The following EME2 variants were observed in gnomAD, a reference collection of about 807,000 sequenced individuals.
EME2 encodes the protein essential meiotic structure-specific endonuclease subunit 2.
EME2 carries 58 observed loss-of-function variants against 41.9 expected under a neutral mutation model. That is an observed-to-expected ratio of 1.38 (90% CI 1.12 to 1.72). The LOEUF is 1.72. Among genes scored for constraint, EME2 ranks in the 40% most tolerant of loss-of-function variants. The pLI is 0.00. For synonymous variants in EME2, 334 were observed against 239.3 expected (o/e 1.40, Z -3.65); for missense variants, 695 against 541.9 (o/e 1.28, Z -2.81).
Position 1,775,361 on chromosome 16 carries a change from A to G in EME2, c.616A>G (p.Lys206Glu). 6.2e-7 allele frequency: 1 copy of G among 1,611,858 alleles called. No individual in the cohort carries two copies. The highest frequency in any genetic ancestry group is 8.5e-7 in the Non-Finnish European group (1 of 1,179,976). The change falls in exon 5 of 8, where the codon AAG (lysine) becomes GAG (glutamate). Residue 206 changes from lysine to glutamate, a missense_variant. By Grantham distance (56) the Lys-to-Glu change is moderately conservative. Transcript: ENST00000568449. ...GGGGACACAGCAGCCAGAGAGCCCG[A>G]AGGTGGCCGGTGCCGAGGTGGCCGT... is the stretch of plus-strand genomic sequence containing the variant. Reference protein sequence around the residue: ...SRGTQQPESPKVAGAEVAVSW... With the variant: ...SRGTQQPESPEVAGAEVAVSW...
rs776101953 is a variant in EME2 at position 1,781,267 on chromosome 16, C to G, written c.*5029C>G. 1.2e-6 allele frequency: 2 copies of G among 1,609,962 alleles called. No individual in the cohort carries two copies. The highest frequency in any genetic ancestry group is 3.3e-5 in the Admixed American group (2 of 59,962). Reference sequence around the variant, plus strand: ...GCCTCAGAAGCATCTTTTTCTCCGACTGATTCCGTGTTCAGGTAATGTCTG... The same window carrying G: ...GCCTCAGAAGCATCTTTTTCTCCGAGTGATTCCGTGTTCAGGTAATGTCTG... On this transcript the variant is annotated 3_prime_UTR_variant, in exon 8 of 8. Coordinates refer to ENST00000568449, the MANE Select transcript of EME2 (RefSeq NM_001257370.2).
At position 1,776,057 on chromosome 16, in the gene EME2, C is replaced by T; in HGVS notation, c.970-11C>T. ...CCCCAGGCGCCCTCTCATGCCTTTG[C>T]CTGCTCCTAGGCGCTGGAGGCCTGC... On this transcript the variant is annotated splice_polypyrimidine_tract_variant and intron_variant, in intron 7 of 7. Coordinates refer to ENST00000568449, the MANE Select transcript of EME2 (RefSeq NM_001257370.2). 1.2e-6 allele frequency: 2 copies of T among 1,606,364 alleles called. No homozygotes were observed. Among genetic ancestry groups the T allele is most frequent in the Non-Finnish European group, 1.7e-6 (2 of 1,177,044 alleles).
At position 1,772,968 on chromosome 16, in the gene EME2, G is replaced by C. The variant is rs1471580766; in HGVS notation, c.-260G>C. The C allele has an allele frequency of 1.4e-6, 2 of 1,447,092 alleles. No individual in the cohort carries two copies. The highest frequency in any genetic ancestry group is 2.8e-5 in the Admixed American group (1 of 35,432). 89.6% of individuals were successfully genotyped at this position (1,447,092 alleles called of 1,614,324 possible). A position where few individuals can be genotyped will look rare whatever the true frequency, so the allele number is the denominator to read the frequency against. ...GCGCACGTCGGCCCAGGCCCGGACC[G>C]GCAGCCGGCGTCCAGAGAACGGCCG... On this transcript the variant is annotated 5_prime_UTR_variant, in exon 1 of 8. Coordinates refer to ENST00000568449, the MANE Select transcript of EME2 (RefSeq NM_001257370.2).
At position 1,773,013 on chromosome 16, in the gene EME2, A is replaced by G; in HGVS notation, c.-215A>G. Reference sequence around the variant, plus strand: ...CGGCCGCGTCAAGGTCTCGTAGTCCACCGCGTAGAGCTGGGAGTCGCGCGG... The same window carrying G: ...CGGCCGCGTCAAGGTCTCGTAGTCCGCCGCGTAGAGCTGGGAGTCGCGCGG... On this transcript the variant is annotated 5_prime_UTR_variant, in exon 1 of 8. Coordinates refer to ENST00000568449, the MANE Select transcript of EME2 (RefSeq NM_001257370.2). The G allele has an allele frequency of 6.9e-7, 1 of 1,457,440 alleles. No individual in the cohort carries two copies. Among genetic ancestry groups the G allele is most frequent in the African/African-American group, 1.5e-5 (1 of 67,316 alleles). 90.3% of individuals were successfully genotyped at this position (1,457,440 alleles called of 1,614,324 possible). A position where few individuals can be genotyped will look rare whatever the true frequency, so the allele number is the denominator to read the frequency against.
chr16:1,775,864 G>T lies in EME2; in HGVS notation c.847G>T (p.Ala283Ser). The T allele has an allele frequency of 1.2e-6, 2 of 1,612,646 alleles. No individual in the cohort carries two copies. Among genetic ancestry groups the T allele is most frequent in the Non-Finnish European group, 1.7e-6 (2 of 1,179,870 alleles). The change falls in exon 7 of 8, where the codon GCA (alanine) becomes TCA (serine). Residue 283 changes from alanine to serine, a missense_variant. Coordinates refer to ENST00000568449, the MANE Select transcript of EME2 (RefSeq NM_001257370.2). ...AGRWAAGEPVARDGAGLQAAW... is the reference protein window; with the variant it reads ...AGRWAAGEPVSRDGAGLQAAW... ...GCGCTGGGCAGCCGGCGAGCCAGTG[G>T]CAAGAGACGGCGCAGGGCTGCAGGC...
chr16:1,777,776 A>G lies in EME2; in HGVS notation c.*1538A>G. On this transcript the variant is annotated 3_prime_UTR_variant, in exon 8 of 8. Transcript: ENST00000568449. ...ACACTTCCTGTTCTTGAAAAAGGTG[A>G]GTGTGCCGTGCCAGGTGTCCAGGTG... The G allele has an allele frequency of 1.2e-6, 2 of 1,612,700 alleles. No individual in the cohort carries two copies. The highest frequency in any genetic ancestry group is 1.7e-6 in the Non-Finnish European group (2 of 1,179,900).
Position 1,777,173 on chromosome 16 carries a change from G to A in EME2, c.*935G>A. On this transcript the variant is annotated 3_prime_UTR_variant, in exon 8 of 8. Coordinates refer to ENST00000568449, the MANE Select transcript of EME2 (RefSeq NM_001257370.2). ...GGGGTGGGCGGAGGTCGCTGCCTGG[G>A]GATCGGACACTGGAGCCTTGCGGCG... 1 of 1,610,986 alleles carries A rather than the reference G, an allele frequency of 6.2e-7. No homozygotes were observed. Among genetic ancestry groups the A allele is most frequent in the Non-Finnish European group, 8.5e-7 (1 of 1,179,868 alleles).
In EME2 at chr16:1,776,997, A is replaced by G; in HGVS notation, c.*759A>G. 1 of 1,409,206 alleles carries G rather than the reference A, an allele frequency of 7.1e-7. No individual in the cohort carries two copies. Among genetic ancestry groups the G allele is most frequent in the Non-Finnish European group, 9.6e-7 (1 of 1,038,812 alleles). 87.3% of individuals were successfully genotyped at this position (1,409,206 alleles called of 1,614,324 possible). A position where few individuals can be genotyped will look rare whatever the true frequency, so the allele number is the denominator to read the frequency against. ...GCTCCCTCCGGACGGGCCTCATCCAACTCCGCCCTGGAGTGTGGCTGGAAG... is the reference window on the plus strand; with the variant it reads ...GCTCCCTCCGGACGGGCCTCATCCAGCTCCGCCCTGGAGTGTGGCTGGAAG... On this transcript the variant is annotated 3_prime_UTR_variant, in exon 8 of 8. Transcript: ENST00000568449.
chr16:1,778,430 C>A lies in EME2; in HGVS notation c.*2192C>A. The A allele has an allele frequency of 6.2e-7, 1 of 1,607,654 alleles. No homozygotes were observed. Among genetic ancestry groups the A allele is most frequent in the Non-Finnish European group, 8.5e-7 (1 of 1,177,158 alleles). ...GTCCCAGCAGGGGCTGGGCCCCACG[C>A]TCACACTCGTCTTCCTCTCCGCAGC... On this transcript the variant is annotated 3_prime_UTR_variant, in exon 8 of 8. Transcript: ENST00000568449.
chr16:1,778,159 G>A lies in EME2; in HGVS notation c.*1921G>A, dbSNP rs894119818. On this transcript the variant is annotated 3_prime_UTR_variant, in exon 8 of 8. Coordinates refer to ENST00000568449, the MANE Select transcript of EME2 (RefSeq NM_001257370.2). ...CATGTCGGTGCCGTAGACGGGAGAG[G>A]TCATCTTGATCTCCCAGAAGTGCTG... 3.1e-6 allele frequency: 5 copies of A among 1,612,746 alleles called. No individual in the cohort carries two copies. Among genetic ancestry groups the A allele is most frequent in the South Asian group, 1.1e-5 (1 of 91,072 alleles).
At chr16:1,773,940 G>C (rs945854436) in intron 2 of EME2, 99 bp downstream of exon 2, 38 of 1,392,184 alleles carry the variant, frequency 2.7e-5, no homozygotes, top group Non-Finnish European at 3.0e-5. Flanking sequence ...GCCCTGGGCC[G>C]TGCGCGTCTC....
chr16:1,777,947 C>G lies in EME2; in HGVS notation c.*1709C>G, dbSNP rs373581614. 9 of 1,612,666 alleles carry G rather than the reference C, an allele frequency of 5.6e-6. No individual in the cohort carries two copies. The South Asian group carries it at 9.9e-5, about 18-fold the overall frequency. Reference sequence around the variant, plus strand: ...CGCCCCACCCTGGGCCTCACGCACCCGTGTAGGAGAGGCCCCAGCTGTCCT... The same window carrying G: ...CGCCCCACCCTGGGCCTCACGCACCGGTGTAGGAGAGGCCCCAGCTGTCCT... On this transcript the variant is annotated 3_prime_UTR_variant, in exon 8 of 8. Coordinates refer to ENST00000568449, the MANE Select transcript of EME2 (RefSeq NM_001257370.2).
Position 1,777,792 on chromosome 16 carries a change from T to G in EME2, c.*1554T>G. 1 of 1,612,872 alleles carries G rather than the reference T, an allele frequency of 6.2e-7. No individual in the cohort carries two copies. The highest frequency in any genetic ancestry group is 8.5e-7 in the Non-Finnish European group (1 of 1,179,902). ...AAAAAGGTGAGTGTGCCGTGCCAGG[T>G]GTCCAGGTGCACGCCAATGATGGAG... On this transcript the variant is annotated 3_prime_UTR_variant, in exon 8 of 8. Coordinates refer to ENST00000568449, the MANE Select transcript of EME2 (RefSeq NM_001257370.2).
In EME2 at chr16:1,781,345, C is replaced by T. The variant is rs567852116; in HGVS notation, c.*5107C>T. The T allele has an allele frequency of 2.2e-4, 347 of 1,612,942 alleles. 6 individuals are homozygous for T. In the South Asian group the frequency reaches 3.7e-3, roughly 17 times the overall value. On this transcript the variant is annotated 3_prime_UTR_variant, in exon 8 of 8. Transcript: ENST00000568449. Reference sequence around the variant, plus strand: ...TTAGGCCAGCCACGTCCGCCTCGCCCGCTGGAACCTACCTGCCCATCAGAG... The same window carrying T: ...TTAGGCCAGCCACGTCCGCCTCGCCTGCTGGAACCTACCTGCCCATCAGAG...
rs1052377171 is a variant in EME2 at position 1,779,767 on chromosome 16, G to C, written c.*3529G>C. ...GACTGCAGGCCCATTTGGTGACACA[G>C]GACAAGCAGCACATGTGTCGAACAC... is the stretch of plus-strand genomic sequence containing the variant. On this transcript the variant is annotated 3_prime_UTR_variant, in exon 8 of 8. Transcript: ENST00000568449. 6.6e-6 allele frequency: 1 copy of C among 152,354 alleles called. No homozygotes were observed. The highest frequency in any genetic ancestry group is 2.4e-5 in the African/African-American group (1 of 41,482). The allele number at this position is 152,354 out of a possible 1,614,324, so 9.4% of individuals were successfully genotyped here. A position where few individuals can be genotyped will look rare whatever the true frequency, so the allele number is the denominator to read the frequency against.
chr16:1,778,462 C>T lies in EME2; in HGVS notation c.*2224C>T, dbSNP rs1458122719. On this transcript the variant is annotated 3_prime_UTR_variant, in exon 8 of 8. Transcript: ENST00000568449. ...TCGTCTTCCTCTCCGCAGCGGCAGT[C>T]CCTGCCCCGGTGGGCCGAGTGCAGG... The T allele has an allele frequency of 6.2e-7, 1 of 1,611,146 alleles. No individual in the cohort carries two copies.
chr16:1,776,470 C>T lies in EME2; in HGVS notation c.*232C>T. ...GGCGGTTCCTGTGCTGAGTCCTGAACACGTAGGCCCCAGGGGAGGCCTCAG... is the reference window on the plus strand; with the variant it reads ...GGCGGTTCCTGTGCTGAGTCCTGAATACGTAGGCCCCAGGGGAGGCCTCAG... On this transcript the variant is annotated 3_prime_UTR_variant, in exon 8 of 8. Transcript: ENST00000568449. 2 of 470,814 alleles carry T rather than the reference C, an allele frequency of 4.2e-6. No individual in the cohort carries two copies. The highest frequency in any genetic ancestry group is 5.5e-5 in the South Asian group (2 of 36,366). The allele number at this position is 470,814 out of a possible 1,614,324, so 29.2% of individuals were successfully genotyped here.
At position 1,778,432 on chromosome 16, in the gene EME2, C is replaced by T. The variant is rs1471651920; in HGVS notation, c.*2194C>T. On this transcript the variant is annotated 3_prime_UTR_variant, in exon 8 of 8. Coordinates refer to ENST00000568449, the MANE Select transcript of EME2 (RefSeq NM_001257370.2). ...CCCAGCAGGGGCTGGGCCCCACGCT[C>T]ACACTCGTCTTCCTCTCCGCAGCGG... 27 of 1,608,014 alleles carry T rather than the reference C, an allele frequency of 1.7e-5. No individual in the cohort carries two copies. The highest frequency in any genetic ancestry group is 2.0e-5 in the Non-Finnish European group (23 of 1,177,380).
In EME2 at chr16:1,772,883, CAGGCGGCCCAGGCCGAAGAGCGGG is replaced by C; in HGVS notation, c.-336_-313del. The C allele has an allele frequency of 6.9e-7, 1 of 1,451,808 alleles. No homozygotes were observed. The highest frequency in any genetic ancestry group is 9.0e-7 in the Non-Finnish European group (1 of 1,109,638). 89.9% of individuals were successfully genotyped at this position (1,451,808 alleles called of 1,614,324 possible). A position where few individuals can be genotyped will look rare whatever the true frequency, so the allele number is the denominator to read the frequency against. ...GCCACAGCCAGGACTTGCGCGTGAC[CAGGCGGCCCAGGCCGAAGAGCGGG>C]AGGCGGCCGAGCAGCTGCAAGAGGC... On this transcript the variant is annotated 5_prime_UTR_variant, in exon 1 of 8. Coordinates refer to ENST00000568449, the MANE Select transcript of EME2 (RefSeq NM_001257370.2).
Sources: gnomAD v4.1 joint callset for allele counts on GRCh38, gnomAD v4.1.1 for gene constraint, MANE v1.5 for transcripts, NCBI Gene and HGNC (gene_info 2026-07-23, HGNC 2026-07-21) for gene names.